ITPR2: variants seen among roughly 807,000 people sequenced by gnomAD.
The protein encoded by ITPR2 is inositol 1,4,5-trisphosphate-gated calcium channel ITPR2.
Under a neutral mutation model 317.1 loss-of-function variants are expected in ITPR2, and 207 were observed. The observed-to-expected ratio is 0.65, with a 90% confidence interval of 0.58 to 0.73. The LOEUF is 0.73. ITPR2 is among the 30% of genes least tolerant of loss of function. The pLI, the probability that ITPR2 is intolerant of heterozygous loss-of-function variation, is 0.00. For synonymous variants in ITPR2, 1,156 were observed against 1,149.1 expected (o/e 1.01, Z -0.12); for missense variants, 2,613 against 3,284.0 (o/e 0.80, Z 4.99).
At chr12:26,551,931 G>T (rs998059424) in intron 36 of ITPR2, among the ~76,000 whole-genome samples, 1 of 152,192 alleles carries the variant, frequency 6.6e-6, no homozygotes. Flanking sequence ...AGAAAATAGG[G>T]AACCACTGTT....
intron 32 of ITPR2, among the ~76,000 whole-genome samples, chr12:26,581,061 G>A (rs187112708): frequency 7.9e-5 from 12 of 152,282 alleles, no homozygotes; most frequent in Admixed American, 7.2e-4. Flanking sequence ...TCACAAAATT[G>A]TGGTTGGTAA....
chr12:26,562,099 T>A, intron 34 of ITPR2, 147 bp from the exon 35 acceptor site: 1 of 549,254 alleles, frequency 1.8e-6, no homozygotes, highest in Non-Finnish European at 2.9e-6. Flanking sequence ...TAAAAGCTTC[T>A]AACCTGAATG....
At chr12:26,666,077 T>TAC in intron 13 of ITPR2, 26 bp from the exon 14 acceptor site, 2 of 1,599,226 alleles carry the variant, frequency 1.3e-6, no homozygotes, top group Non-Finnish European at 1.7e-6. Flanking sequence ...AAGGAAATTT[T>TAC]ACTTTACAGT....
At chr12:26,767,786 T>C (rs1207410253) in intron 2 of ITPR2, among the ~76,000 whole-genome samples, 1 of 152,246 alleles carries the variant, frequency 6.6e-6, no homozygotes, top group Non-Finnish European at 1.5e-5. Context: ...TTTTCTTCTT[T>C]TTATATATTT....
intron 37 of ITPR2, among the ~76,000 whole-genome samples, chr12:26,499,655 G>A (rs771568056): frequency 2.0e-5 from 3 of 152,136 alleles, no homozygotes; most frequent in Non-Finnish European, 2.9e-5. Flanking sequence ...TCCAGATCAT[G>A]GGAACAGTCT....
intron 18 of ITPR2, 60 bp from the exon 19 acceptor site, chr12:26,656,608 T>C: frequency 6.4e-7 from 1 of 1,554,320 alleles, no homozygotes; most frequent in Non-Finnish European, 8.8e-7. Flanking sequence ...TTAAACGTCA[T>C]AGTACCAATC....
chr12:26,655,970 G>C, intron 19 of ITPR2, 118 bp from the exon 20 acceptor site: 1 of 1,002,472 alleles, frequency 1.0e-6, no homozygotes, highest in South Asian at 1.6e-5. Context: ...CTTTCCTAGA[G>C]GCTGGGTCCT....
At chr12:26,561,717 A>AT in intron 35 of ITPR2, 45 bp downstream of exon 35, 1 of 1,385,132 alleles carries the variant, frequency 7.2e-7, no homozygotes, top group Non-Finnish European at 9.5e-7. Flanking sequence ...ATTTTTAAAA[A>AT]ATATAATTTA....
At chr12:26,721,384 T>C (rs776645251) in intron 5 of ITPR2, 3 of 563,388 alleles carry the variant, frequency 5.3e-6, no homozygotes, top group Admixed American at 2.6e-5. Context: ...CTGGAAAAAT[T>C]AGATTCACGA....
chr12:26,369,615 T>C (rs776259445), intron 55 of ITPR2, among the ~76,000 whole-genome samples: 11 of 152,368 alleles, frequency 7.2e-5, no homozygotes, highest in East Asian at 1.9e-4. Flanking sequence ...GTACACCTGA[T>C]GTATAATAAA....
chr12:26,593,141 T>C (rs1157469417), intron 32 of ITPR2, among the ~76,000 whole-genome samples: 1 of 152,190 alleles, frequency 6.6e-6, no homozygotes, highest in African/African-American at 2.4e-5. Context: ...TCCCTACTCT[T>C]AGCTACCATG....
At chr12:26,651,011 G>A (rs958256433) in intron 21 of ITPR2, among the ~76,000 whole-genome samples, 7 of 151,934 alleles carry the variant, frequency 4.6e-5, no homozygotes, top group South Asian at 2.1e-4. Flanking sequence ...ATTTGCTTTC[G>A]TGGTTCCTCT....
rs199932579 is a variant in ITPR2 at position 26,831,679 on chromosome 12, A to AATAT, written c.92+1007_92+1010dup. ...CATTTGGCACACTGTTTTATATATA[A>AATAT]ATATATATATATATTCTACATAAAA... On this transcript the variant is annotated intron_variant, in intron 1 of 56. Coordinates refer to ENST00000381340, the MANE Select transcript of ITPR2 (RefSeq NM_002223.4). The surrounding 1 kb of genome is among the most constrained non-coding windows in gnomAD (Gnocchi z 4.9). 8.8e-6 allele frequency among the ~76,000 whole-genome samples: 1 copy of AATAT among 113,500 alleles called. No homozygotes were observed. The highest frequency in any genetic ancestry group is 2.0e-5 in the Non-Finnish European group (1 of 49,472). The allele number at this position is 113,500 out of a possible 152,430, so 74.5% of individuals were successfully genotyped here.
chr12:26,341,175 C>A (rs1938100837), intron 55 of ITPR2, among the ~76,000 whole-genome samples: 1 of 152,148 alleles, frequency 6.6e-6, no homozygotes, highest in Non-Finnish European at 1.5e-5. Flanking sequence ...AAACAAGAGG[C>A]TCTAAGTTTC....
intron 45 of ITPR2, among the ~76,000 whole-genome samples, chr12:26,463,650 G>C (rs1942096338): frequency 6.6e-6 from 1 of 151,282 alleles, no homozygotes; most frequent in Admixed American, 6.6e-5. Flanking sequence ...GGGCAACAAG[G>C]GCGAAACTCC....
intron 46 of ITPR2, 49 bp downstream of exon 46, chr12:26,443,494 A>G (rs1158569592): frequency 1.4e-6 from 2 of 1,401,996 alleles, no homozygotes; most frequent in Non-Finnish European, 1.0e-6. Flanking sequence ...ATAGGAAGTA[A>G]GCATAACTTT....
chr12:26,805,630 G>A (rs1950626737), intron 1 of ITPR2, among the ~76,000 whole-genome samples: 1 of 103,288 alleles, frequency 9.7e-6, no homozygotes, highest in African/African-American at 3.6e-5. Context: ...GAGGGAATGG[G>A]GAGGAGACAA....
chr12:26,617,754 A>G (rs990588598), intron 26 of ITPR2, among the ~76,000 whole-genome samples: 1 of 94,538 alleles, frequency 1.1e-5, no homozygotes, highest in Non-Finnish European at 2.4e-5. Flanking sequence ...GAAGGACAGA[A>G]GGAGGGAGGG....
intron 2 of ITPR2, among the ~76,000 whole-genome samples, chr12:26,766,395 C>A (rs535854259): frequency 1.6e-4 from 25 of 151,866 alleles, no homozygotes; most frequent in Middle Eastern, 3.4e-3. Flanking sequence ...TCTTTCCATG[C>A]GTTTACTAAC....
Sources: gnomAD v4.1 joint callset for allele counts (sites outside exome capture counted in the v4.1 genomes callset) on GRCh38, gnomAD v4.1.1 for gene constraint, Gnocchi (gnomAD v3.1) non-coding constraint, MANE v1.5 for transcripts, NCBI Gene and HGNC (gene_info 2026-07-23, HGNC 2026-07-21) for gene names.